ADCY8: variants seen among roughly 807,000 people sequenced by gnomAD.
ADCY8 encodes the protein adenylate cyclase type 8.
Under a neutral mutation model 119.7 loss-of-function variants are expected in ADCY8, and 51 were observed. The observed-to-expected ratio is 0.43, with a 90% CI of 0.34 to 0.54. The LOEUF is 0.54. ADCY8 is among the 20% of genes least tolerant of loss of function. The pLI, the probability that ADCY8 is intolerant of heterozygous loss-of-function variation, is 0.03. For missense variants in ADCY8, 1,383 were observed against 1,598.8 expected, an observed-to-expected ratio of 0.87 and a Z score of 2.30; for synonymous variants, 665 against 651.0, an observed-to-expected ratio of 1.02 and a Z score of -0.33.
At chr8:130,894,780 C>T (rs182896665) in intron 7 of ADCY8, among the ~76,000 whole-genome samples, 41 of 152,218 alleles carry the variant, frequency 2.7e-4, no homozygotes, top group Admixed American at 2.5e-3. Context: ...AATTCAGTCA[C>T]CTTAGAATGG....
intron 5 of ADCY8, among the ~76,000 whole-genome samples, chr8:130,913,466 T>C (rs1355794126): frequency 6.6e-6 from 1 of 152,124 alleles, no homozygotes; most frequent in East Asian, 1.9e-4. Flanking sequence ...TTGATGTTAC[T>C]TTTGACCAAT....
At chr8:130,890,168 AG>A (rs1819133491) in intron 7 of ADCY8, among the ~76,000 whole-genome samples, 1 of 141,056 alleles carries the variant, frequency 7.1e-6, no homozygotes, top group African/African-American at 2.6e-5. Flanking sequence ...ACATGGACAC[AG>A]GGTGGGGAAC....
At chr8:130,902,900 TAC>T (rs1032067727) in intron 7 of ADCY8, among the ~76,000 whole-genome samples, 24 of 152,236 alleles carry the variant, frequency 1.6e-4, no homozygotes, top group African/African-American at 5.5e-4. Flanking sequence ...AAATGTATAG[TAC>T]AGTCACATCA....
chr8:130,993,427 A>C (rs1296228350), intron 1 of ADCY8, among the ~76,000 whole-genome samples: 1 of 152,212 alleles, frequency 6.6e-6, no homozygotes. Flanking sequence ...AAAGATAGAG[A>C]TAATCTGGAA....
At chr8:130,846,791 T>TCCTC (rs1817324136) in intron 11 of ADCY8, among the ~76,000 whole-genome samples, 1 of 79,906 alleles carries the variant, frequency 1.3e-5, no homozygotes, top group South Asian at 7.7e-4. Context: ...CTTCCTTCCT[T>TCCTC]CTCCTTCCTT....
At chr8:131,020,408 C>T (rs905346874) in intron 1 of ADCY8, among the ~76,000 whole-genome samples, 4 of 152,122 alleles carry the variant, frequency 2.6e-5, no homozygotes, top group African/African-American at 9.7e-5. Context: ...ATGGACTGGC[C>T]ATGGGACAGT....
At chr8:130,906,857 T>C (rs953562437) in intron 6 of ADCY8, among the ~76,000 whole-genome samples, 1 of 151,620 alleles carries the variant, frequency 6.6e-6, no homozygotes, top group Non-Finnish European at 1.5e-5. Flanking sequence ...TTATCTCATA[T>C]AATTTCCGTT....
At chr8:130,927,488 T>C (rs1198715345) in intron 5 of ADCY8, among the ~76,000 whole-genome samples, 1 of 152,212 alleles carries the variant, frequency 6.6e-6, no homozygotes, top group Non-Finnish European at 1.5e-5. Flanking sequence ...ATATTTTGGA[T>C]TTTAACCTTT....
chr8:130,954,286 T>G (rs6415525), intron 2 of ADCY8, among the ~76,000 whole-genome samples: 1 of 152,208 alleles, frequency 6.6e-6, no homozygotes, highest in African/African-American at 2.4e-5. Context: ...GCAGCACATA[T>G]AATGATCCAA....
At chr8:130,911,928 C>T (rs898250454) in intron 5 of ADCY8, among the ~76,000 whole-genome samples, 1 of 152,094 alleles carries the variant, frequency 6.6e-6, no homozygotes, top group African/African-American at 2.4e-5. Flanking sequence ...ATGATCTGTC[C>T]AGTGCCTTAG....
chr8:130,969,681 C>T (rs1004182538), intron 2 of ADCY8, among the ~76,000 whole-genome samples: 2 of 152,158 alleles, frequency 1.3e-5, no homozygotes, highest in African/African-American at 4.8e-5. Context: ...AGGTCAGTCA[C>T]CTCTAACCAT....
At chr8:130,831,579 C>G (rs181129878) in intron 12 of ADCY8, among the ~76,000 whole-genome samples, 3 of 152,134 alleles carry the variant, frequency 2.0e-5, no homozygotes, top group African/African-American at 7.2e-5. Context: ...TGAGAAAAGA[C>G]GTGATTTCCC....
intron 2 of ADCY8, among the ~76,000 whole-genome samples, chr8:130,990,015 T>G (rs1822525106): frequency 6.6e-6 from 1 of 152,158 alleles, no homozygotes; most frequent in African/African-American, 2.4e-5. Flanking sequence ...TAATTTGAAT[T>G]GGTAAACAGA....
intron 12 of ADCY8, among the ~76,000 whole-genome samples, chr8:130,825,664 G>T (rs770855543): frequency 8.5e-5 from 13 of 152,226 alleles, no homozygotes; most frequent in Non-Finnish European, 1.9e-4. Context: ...TCTTTATGCA[G>T]ACATTGTTTT....
At chr8:130,924,332 G>A (rs755487693) in intron 5 of ADCY8, among the ~76,000 whole-genome samples, 3 of 152,164 alleles carry the variant, frequency 2.0e-5, no homozygotes, top group Non-Finnish European at 4.4e-5. Context: ...GGCCAACATG[G>A]AGATCCACTG....
chr8:130,893,277 C>T lies in ADCY8; in HGVS notation c.1912-8516G>A, dbSNP rs138789379. 4.7e-3 allele frequency among the ~76,000 whole-genome samples: 710 copies of T among 152,236 alleles called. 5 individuals carry two copies. The highest frequency in any genetic ancestry group is 6.8e-3 in the Non-Finnish European group (460 of 68,014). ...GATATGCAAACTCCAGCACGGACTT[C>T]ATCTCGAGATTAGGGATGGTGTAAG... On this transcript the variant is annotated intron_variant, in intron 7 of 17. Transcript: ENST00000286355.
At chr8:130,907,375 T>C (rs568568125) in intron 6 of ADCY8, among the ~76,000 whole-genome samples, 1 of 152,216 alleles carries the variant, frequency 6.6e-6, no homozygotes, top group East Asian at 1.9e-4. Flanking sequence ...TGGAAAAATA[T>C]ATAACAATAT....
At chr8:130,851,869 C>T (rs1008730805) in intron 9 of ADCY8, among the ~76,000 whole-genome samples, 1 of 152,096 alleles carries the variant, frequency 6.6e-6, no homozygotes, top group Non-Finnish European at 1.5e-5. Flanking sequence ...ATGTTTGGTA[C>T]TTGTAGATCA....
chr8:130,903,185 T>C (rs1819659374), intron 7 of ADCY8, among the ~76,000 whole-genome samples: 1 of 152,160 alleles, frequency 6.6e-6, no homozygotes, highest in African/African-American at 2.4e-5. Context: ...ATGTACTGAC[T>C]TAGTAGCCCT....
Sources: allele counts gnomAD v4.1 joint callset (sites outside exome capture counted in the v4.1 genomes callset), GRCh38; gene constraint gnomAD v4.1.1; transcripts MANE v1.5; gene names NCBI Gene and HGNC (gene_info 2026-07-23, HGNC 2026-07-21).